GLRA2: variants seen among roughly 807,000 people sequenced by gnomAD.
GLRA2 encodes the protein glycine receptor subunit alpha-2.
In GLRA2, 11 loss-of-function variants were observed where a neutral mutation model predicts 31.6. That is an observed-to-expected ratio of 0.35 (90% CI 0.22 to 0.58). The LOEUF (loss-of-function observed/expected upper bound fraction) is 0.58. Among genes scored for constraint, GLRA2 ranks in the 20% least tolerant of loss-of-function variants. The pLI, the probability that GLRA2 is intolerant of heterozygous loss-of-function variation, is 0.84. For synonymous variants in GLRA2, 132 were observed against 134.0 expected, an observed-to-expected ratio of 0.99 and a Z score of 0.10; for missense variants, 212 against 351.8, an observed-to-expected ratio of 0.60 and a Z score of 3.18.
chrX:14,686,079 C>G (rs904477289), intron 7 of GLRA2, among the ~76,000 whole-genome samples: 3 of 111,766 alleles, frequency 2.7e-5, no homozygotes, highest in African/African-American at 9.8e-5. Context: ...ACCCAGTAGT[C>G]ATTCAGGAAC....
chrX:14,559,021 C>T (rs961119186), intron 2 of GLRA2, among the ~76,000 whole-genome samples: 14 of 110,716 alleles, frequency 1.3e-4, no homozygotes, highest in Non-Finnish European at 1.3e-4. Context: ...GACGGGGTTT[C>T]GCCATGTTGA....
intron 4 of GLRA2, among the ~76,000 whole-genome samples, chrX:14,601,629 G>A (rs1163932376): frequency 9.0e-6 from 1 of 111,723 alleles, no homozygotes; most frequent in African/African-American, 3.2e-5. Context: ...ACATTGCACT[G>A]TTTTATATCT....
At chrX:14,522,857 A>C in the GLRA2 span, among the ~76,000 whole-genome samples, 1 of 112,053 alleles carries the variant, frequency 8.9e-6, no homozygotes, top group Non-Finnish European at 1.9e-5. Flanking sequence ...TGTTCCATTT[A>C]TAAAGCAGAT....
chrX:14,711,202 T>C (rs756157848), intron 8 of GLRA2, among the ~76,000 whole-genome samples: 1 of 112,686 alleles, frequency 8.9e-6, no homozygotes, highest in South Asian at 3.6e-4. Context: ...TGCTTCCTCA[T>C]GTGTTGTCAC....
rs942071664 is a variant in GLRA2 at position 14,533,752 on chromosome X, T to C, written c.202+1380T>C. 1.2e-4 allele frequency among the ~76,000 whole-genome samples: 13 copies of C among 111,155 alleles called. No individual in the cohort carries two copies. In the Admixed American group the frequency reaches 1.2e-3, roughly 11 times the overall value. ...TTGTAAAATTGGGAGATGAAACAGT[T>C]TAGGTGCTTCTATCAAAAATTTTAG... On this transcript the variant is annotated intron_variant, in intron 2 of 8. Coordinates refer to ENST00000218075, the MANE Select transcript of GLRA2 (RefSeq NM_002063.4).
At chrX:14,703,448 T>G (rs939456973) in intron 8 of GLRA2, among the ~76,000 whole-genome samples, 1 of 112,086 alleles carries the variant, frequency 8.9e-6, no homozygotes, top group Non-Finnish European at 1.9e-5. Context: ...TCTCCATTTC[T>G]AAGAGTCATG....
At chrX:14,538,800 T>C (rs957125364) in intron 2 of GLRA2, among the ~76,000 whole-genome samples, 6 of 111,771 alleles carry the variant, frequency 5.4e-5, no homozygotes, top group African/African-American at 1.9e-4. Flanking sequence ...CCAGTTACTA[T>C]AGTTGCAAGG....
chrX:14,487,591 A>G, the GLRA2 span, among the ~76,000 whole-genome samples: 1,857 of 111,186 alleles, frequency 0.017, 38 homozygotes, highest in African/African-American at 0.058. Context: ...CTTTGGCTTC[A>G]GAAAGTCAGA....
At chrX:14,516,067 T>G in the GLRA2 span, among the ~76,000 whole-genome samples, 1 of 111,699 alleles carries the variant, frequency 9.0e-6, no homozygotes, top group Non-Finnish European at 1.9e-5. Context: ...CTCAGAGGCT[T>G]TTAAGTTCCA....
intron 8 of GLRA2, among the ~76,000 whole-genome samples, chrX:14,722,977 A>C (rs1194995052): frequency 1.8e-5 from 2 of 113,001 alleles, no homozygotes; most frequent in East Asian, 5.5e-4. Flanking sequence ...GAATAATTTT[A>C]ACTGTATTGG....
chrX:14,464,441 C>T, the GLRA2 span, among the ~76,000 whole-genome samples: 4 of 112,145 alleles, frequency 3.6e-5, no homozygotes, highest in Non-Finnish European at 5.6e-5. Context: ...AGAGATTATC[C>T]TTTCCCCAAT....
chrX:14,719,926 G>A (rs1289516102), intron 8 of GLRA2, among the ~76,000 whole-genome samples: 2 of 111,722 alleles, frequency 1.8e-5, no homozygotes, highest in African/African-American at 6.5e-5. Flanking sequence ...ATTATGTTAA[G>A]GGAAATAAGT....
chrX:14,499,941 A>G, the GLRA2 span, among the ~76,000 whole-genome samples: 5 of 111,601 alleles, frequency 4.5e-5, no homozygotes, highest in Admixed American at 9.5e-5. Flanking sequence ...TTCTATTGAT[A>G]GTTTGAGCTC....
intron 2 of GLRA2, among the ~76,000 whole-genome samples, chrX:14,546,617 C>T (rs1175747779): frequency 1.8e-5 from 2 of 109,433 alleles, no homozygotes; most frequent in Non-Finnish European, 1.9e-5. Context: ...TTTTTTCTGC[C>T]TACAGTTGAA....
In GLRA2 at chrX:14,574,884, A is replaced by C. The variant is rs1334721579; in HGVS notation, c.270+484A>C. Among the ~76,000 whole-genome samples, 30 of 111,436 alleles carry C rather than the reference A, an allele frequency of 2.7e-4. No homozygotes were observed. In the Admixed American group the frequency reaches 2.9e-3, roughly 11 times the overall value. On this transcript the variant is annotated intron_variant, in intron 3 of 8. Coordinates refer to ENST00000218075, the MANE Select transcript of GLRA2 (RefSeq NM_002063.4). ...TGCATCTCCAATGCTTCAGAAGTAC[A>C]AATTTCAAAGTTTGAGAGATGTAAC...
intron 7 of GLRA2, among the ~76,000 whole-genome samples, chrX:14,657,023 T>C (rs2090948175): frequency 9.0e-6 from 1 of 111,708 alleles, no homozygotes; most frequent in African/African-American, 3.3e-5. Flanking sequence ...AAGATCTTTC[T>C]AAGCAGACAG....
chrX:14,622,781 G>A (rs1432349441), intron 7 of GLRA2, among the ~76,000 whole-genome samples: 1 of 111,770 alleles, frequency 8.9e-6, no homozygotes, highest in Non-Finnish European at 1.9e-5. Context: ...TTGAAGTCAG[G>A]TAGCGTGATG....
chrX:14,511,551 A>G, the GLRA2 span, among the ~76,000 whole-genome samples: 1 of 111,915 alleles, frequency 8.9e-6, no homozygotes, highest in East Asian at 2.8e-4. Flanking sequence ...CTCATATGAT[A>G]ATTGCTCAGC....
chrX:14,469,109 G>A, the GLRA2 span, among the ~76,000 whole-genome samples: 2 of 111,534 alleles, frequency 1.8e-5, no homozygotes, highest in Non-Finnish European at 3.8e-5. Context: ...CTCCCATTCT[G>A]TAGGTTGCCT....
Sources: gnomAD v4.1 joint callset for allele counts (sites outside exome capture counted in the v4.1 genomes callset) on GRCh38, gnomAD v4.1.1 for gene constraint, MANE v1.5 for transcripts, NCBI Gene and HGNC (gene_info 2026-07-23, HGNC 2026-07-21) for gene names.